Variants in PCCA observed in about 807,000 individuals in gnomAD.
PCCA encodes propionyl-CoA carboxylase alpha chain, mitochondrial.
In PCCA, 74 loss-of-function variants were observed where a neutral mutation model predicts 101.3. The ratio of observed to expected loss-of-function variants is 0.73; its 90% confidence interval spans 0.61 to 0.89. PCCA has a LOEUF of 0.89. Among genes scored for constraint, PCCA ranks in the 40% least tolerant of loss-of-function variants. The pLI is 0.00. For missense variants in PCCA, 891 were observed against 907.0 expected (o/e 0.98, Z 0.23); for synonymous variants, 294 against 313.6 (o/e 0.94, Z 0.66).
intron 8 of PCCA, among the ~76,000 whole-genome samples, chr13:100,246,126 A>C (rs531652685): frequency 6.6e-6 from 1 of 152,206 alleles, no homozygotes. Flanking sequence ...TTAGGCAGAA[A>C]GCCGAGGACA....
intron 19 of PCCA, among the ~76,000 whole-genome samples, chr13:100,379,646 CA>C (rs1390320981): frequency 6.6e-6 from 1 of 152,232 alleles, no homozygotes; most frequent in East Asian, 1.9e-4. Flanking sequence ...GCCTCATAAT[CA>C]TGGCAGAAGA....
At chr13:100,096,435 C>G (rs765160127) in intron 1 of PCCA, among the ~76,000 whole-genome samples, 4 of 152,184 alleles carry the variant, frequency 2.6e-5, no homozygotes, top group Non-Finnish European at 4.4e-5. Context: ...ATGTCTCTCC[C>G]TCTCCTCAGG....
intron 16 of PCCA, among the ~76,000 whole-genome samples, chr13:100,315,150 TATC>T (rs970247589): frequency 5.0e-4 from 76 of 152,318 alleles, no homozygotes; most frequent in African/African-American, 1.5e-3. Context: ...GATAAGATGT[TATC>T]ATTTGTAGAA....
rs207474309 is a variant in PCCA, at chr13:100,374,874, G to T, written c.1746+6300G>T. 1.1e-3 allele frequency among the ~76,000 whole-genome samples: 165 copies of T among 151,922 alleles called. 6 individuals are homozygous for T. The South Asian group carries it at 0.031, about 29-fold the overall frequency. ...TTCGTGTCTCTGTCTCCTTCAGTTC[G>T]GCTCTGATCTTAGTTATTTCTTGTC... On this transcript the variant is annotated intron_variant, in intron 19 of 23. Transcript: ENST00000376285.
intron 6 of PCCA, among the ~76,000 whole-genome samples, chr13:100,174,892 A>G (rs1385874729): frequency 6.6e-6 from 1 of 151,984 alleles, no homozygotes; most frequent in African/African-American, 2.4e-5. Context: ...TTATATCTTT[A>G]TTCATTTACC....
intron 6 of PCCA, among the ~76,000 whole-genome samples, chr13:100,178,096 T>C (rs1308704279): frequency 6.6e-6 from 1 of 152,236 alleles, no homozygotes; most frequent in African/African-American, 2.4e-5. Flanking sequence ...TCTCCACTTA[T>C]GAATATGTGA....
At chr13:100,312,765 T>G (rs2067025412) in intron 16 of PCCA, among the ~76,000 whole-genome samples, 1 of 152,216 alleles carries the variant, frequency 6.6e-6, no homozygotes, top group Non-Finnish European at 1.5e-5. Flanking sequence ...AAAGACCTGT[T>G]TGTATGAATC....
chr13:100,192,559 CA>C (rs2057807497), intron 6 of PCCA, among the ~76,000 whole-genome samples: 1 of 152,072 alleles, frequency 6.6e-6, no homozygotes, highest in Admixed American at 6.5e-5. Flanking sequence ...CTCTGATGAT[CA>C]AAAAACTGTT....
intron 12 of PCCA, among the ~76,000 whole-genome samples, chr13:100,278,479 T>A (rs552896380): frequency 1.4e-5 from 2 of 142,688 alleles, no homozygotes; most frequent in Non-Finnish European, 3.0e-5. Flanking sequence ...TAAAACCCGA[T>A]AGTTGATTTT....
intron 4 of PCCA, among the ~76,000 whole-genome samples, chr13:100,126,559 T>G (rs2049972854): frequency 6.6e-6 from 1 of 152,088 alleles, no homozygotes; most frequent in Admixed American, 6.6e-5. Flanking sequence ...CCTCCTTTGC[T>G]GTAGCGGGGG....
intron 4 of PCCA, among the ~76,000 whole-genome samples, chr13:100,133,959 G>A (rs968718238): frequency 1.3e-5 from 2 of 152,184 alleles, no homozygotes; most frequent in African/African-American, 4.8e-5. Flanking sequence ...GACTTAACTG[G>A]TTTGCCAGGG....
At chr13:100,150,643 G>A in intron 4 of PCCA, 1 of 1,298,364 alleles carries the variant, frequency 7.7e-7, no homozygotes, top group East Asian at 2.3e-5. Context: ...CTGATTTGGT[G>A]ATCCATTAGG....
At chr13:100,174,542 A>G (rs2056046767) in intron 6 of PCCA, among the ~76,000 whole-genome samples, 1 of 150,394 alleles carries the variant, frequency 6.6e-6, no homozygotes, top group African/African-American at 2.5e-5. Context: ...AGCCTGGCCA[A>G]CATGGCGAAA....
At chr13:100,235,752 A>G in intron 7 of PCCA, 90 bp from the exon 8 acceptor site, 1 of 825,146 alleles carries the variant, frequency 1.2e-6, no homozygotes, top group Non-Finnish European at 2.2e-6. Context: ...AATGAATCGG[A>G]GGAGACAGTA....
At chr13:100,464,043 A>G (rs1341190186) in intron 21 of PCCA, among the ~76,000 whole-genome samples, 1 of 152,228 alleles carries the variant, frequency 6.6e-6, no homozygotes, top group Non-Finnish European at 1.5e-5. Context: ...TACATATGTC[A>G]GCTTACTTGA....
At chr13:100,328,400 T>TAAC (rs1447014795) in intron 16 of PCCA, among the ~76,000 whole-genome samples, 1 of 147,794 alleles carries the variant, frequency 6.8e-6, no homozygotes, top group Non-Finnish European at 1.5e-5. Flanking sequence ...ATAATAATAA[T>TAAC]AATAATGATG....
intron 7 of PCCA, among the ~76,000 whole-genome samples, chr13:100,234,915 C>A (rs2485550): frequency 0.48 from 71,632 of 150,298 alleles, 17,277 homozygotes; most frequent in East Asian, 0.7. Flanking sequence ...ACACACACAC[C>A]CCACACATAC....
At chr13:100,131,319 G>C (rs143852728) in intron 4 of PCCA, among the ~76,000 whole-genome samples, 76 of 152,224 alleles carry the variant, frequency 5.0e-4, no homozygotes, top group African/African-American at 1.8e-3. Flanking sequence ...CTTGGCCCCA[G>C]TCACAGGAAC....
chr13:100,442,193 C>T (rs1434700628), intron 20 of PCCA, among the ~76,000 whole-genome samples: 1 of 151,920 alleles, frequency 6.6e-6, no homozygotes, highest in Non-Finnish European at 1.5e-5. Context: ...AGGATTTCAC[C>T]ATGTTGGCCA....
Sources: gnomAD v4.1 joint callset for allele counts (sites outside exome capture counted in the v4.1 genomes callset) on GRCh38, gnomAD v4.1.1 for gene constraint, MANE v1.5 for transcripts, NCBI Gene and HGNC (gene_info 2026-07-23, HGNC 2026-07-21) for gene names.